The following PIKFYVE variants were observed in gnomAD, a reference collection of about 807,000 sequenced individuals.
PIKFYVE encodes phosphoinositide kinase, FYVE-type zinc finger containing.
A neutral mutation model predicts 257.9 loss-of-function variants in PIKFYVE; 122 were observed. That is an observed-to-expected ratio of 0.47 (90% CI 0.41 to 0.55). The LOEUF is 0.55. Among genes scored for constraint, PIKFYVE ranks in the 20% least tolerant of loss-of-function variants. The pLI is 0.00. For synonymous variants in PIKFYVE, 892 were observed against 868.9 expected (o/e 1.03, Z -0.47); for missense variants, 2,160 against 2,536.6 (o/e 0.85, Z 3.19).
chr2:208,342,529 T>C, intron 31 of PIKFYVE, 25 bp from the exon 32 acceptor site: 1 of 1,553,352 alleles, frequency 6.4e-7, no homozygotes, highest in Non-Finnish European at 8.9e-7. Context: ...CTTAGTTAAC[T>C]TATGTATTTT....
chr2:208,273,154 A>G (rs577597260), intron 2 of PIKFYVE, among the ~76,000 whole-genome samples: 2 of 152,230 alleles, frequency 1.3e-5, no homozygotes, highest in Non-Finnish European at 2.9e-5. Context: ...AACAGACCCA[A>G]AAAATCCCTG....
intron 6 of PIKFYVE, among the ~76,000 whole-genome samples, chr2:208,287,045 G>C (rs1691664103): frequency 6.6e-6 from 1 of 151,822 alleles, no homozygotes; most frequent in Admixed American, 6.6e-5. Flanking sequence ...ATAAAGTGGA[G>C]TAGAAAAGAA....
chr2:208,301,121 A>T (rs773854456), intron 9 of PIKFYVE, 27 bp downstream of exon 9: 7 of 1,611,380 alleles, frequency 4.3e-6, no homozygotes, highest in Non-Finnish European at 5.1e-6. Context: ...AGGTTTCAAT[A>T]TTATTTGTTT....
intron 12 of PIKFYVE, among the ~76,000 whole-genome samples, chr2:208,311,031 C>A (rs919102668): frequency 6.6e-6 from 1 of 151,986 alleles, no homozygotes; most frequent in Non-Finnish European, 1.5e-5. Flanking sequence ...TTTGAATGAT[C>A]GGGGGGAAGA....
chr2:208,293,904 T>C (rs527876186), intron 7 of PIKFYVE, among the ~76,000 whole-genome samples: 20 of 152,276 alleles, frequency 1.3e-4, no homozygotes, highest in African/African-American at 4.8e-4. Flanking sequence ...GTAGTTTTTT[T>C]GACATTTATC....
chr2:208,285,118 G>A (rs530025732), intron 5 of PIKFYVE, among the ~76,000 whole-genome samples: 26 of 151,964 alleles, frequency 1.7e-4, no homozygotes, highest in East Asian at 9.7e-4. Context: ...ATTTTGAGAC[G>A]GAGTTTCGTT....
rs780766641 is a variant in PIKFYVE at position 208,325,057 on chromosome 2, G to T, written c.2458+20G>T. 9.3e-6 allele frequency: 15 copies of T among 1,613,842 alleles called. No individual in the cohort carries two copies. The highest frequency in any genetic ancestry group is 1.2e-5 in the Non-Finnish European group (14 of 1,179,886). ...CTAATGGTGAGTGATCTTTAGCATA[G>T]ATTGACCTGAGGAAAAGAGTTAACT... On this transcript the variant is annotated intron_variant, in intron 19 of 41. Transcript: ENST00000264380.
chr2:208,276,628 GGCA>G lies in PIKFYVE; in HGVS notation c.323-82_323-80del, dbSNP rs1358046769. ...ACATAATTATATGCCAACAATAAGA[GGCA>G]GTTTCCATCACATATATACCTTGTT... On this transcript the variant is annotated intron_variant, in intron 3 of 41. Coordinates refer to ENST00000264380, the MANE Select transcript of PIKFYVE (RefSeq NM_015040.4). The G allele has an allele frequency of 5.3e-6, 5 of 943,328 alleles. No individual in the cohort carries two copies. In the African/African-American group the frequency reaches 8.1e-5, roughly 15 times the overall value. 58.4% of individuals were successfully genotyped at this position (943,328 alleles called of 1,614,324 possible).
rs1350624786 is a variant in PIKFYVE at position 208,304,371 on chromosome 2, A to G, written c.1468+53A>G. The G allele has an allele frequency of 2.1e-5, 33 of 1,569,414 alleles. No individual in the cohort carries two copies. In the Admixed American group the frequency reaches 3.5e-4, roughly 17 times the overall value. On this transcript the variant is annotated intron_variant, in intron 11 of 41. Transcript: ENST00000264380. ...TTTGATGGGTCATTGCTGTGTATGTATGATAAAATGATTATCTTGTTTGTT... is the reference window on the plus strand; with the variant it reads ...TTTGATGGGTCATTGCTGTGTATGTGTGATAAAATGATTATCTTGTTTGTT...
At chr2:208,313,090 T>C (rs911250033) in intron 13 of PIKFYVE, among the ~76,000 whole-genome samples, 1 of 152,230 alleles carries the variant, frequency 6.6e-6, no homozygotes, top group Non-Finnish European at 1.5e-5. Context: ...TATACTTTAC[T>C]GTGTAATCTG....
intron 16 of PIKFYVE, among the ~76,000 whole-genome samples, chr2:208,318,771 G>A (rs1054367533): frequency 6.6e-6 from 1 of 152,012 alleles, no homozygotes; most frequent in African/African-American, 2.4e-5. Flanking sequence ...TGGCCATATG[G>A]TGAAACCACA....
chr2:208,300,831 T>A, intron 8 of PIKFYVE, 106 bp from the exon 9 acceptor site: 2 of 1,408,784 alleles, frequency 1.4e-6, no homozygotes, highest in South Asian at 2.3e-5. Flanking sequence ...CATAAAGAAA[T>A]CCAAGTTAGG....
intron 5 of PIKFYVE, among the ~76,000 whole-genome samples, chr2:208,285,160 G>A (rs1427907918): frequency 3.9e-5 from 6 of 152,294 alleles, no homozygotes; most frequent in South Asian, 2.1e-4. Flanking sequence ...CAATGGCACA[G>A]TCTTGGCTCA....
chr2:208,317,299 C>T (rs976514281), intron 15 of PIKFYVE, among the ~76,000 whole-genome samples: 9 of 151,802 alleles, frequency 5.9e-5, no homozygotes, highest in Non-Finnish European at 1.2e-4. Context: ...AAAAAACAAC[C>T]CCATCAAAAA....
In PIKFYVE at chr2:208,325,362, C is replaced by G; in HGVS notation, c.2551C>G (p.Arg851Gly). ...AGGAGGCTCTGATTATGAGCTGGCT[C>G]GAGTTAAGGAGATCCTAATATTTAT... is the stretch of plus-strand genomic sequence containing the variant. Reference protein sequence around the residue: ...LRGGSDYELARVKEILIFMIC... With the variant: ...LRGGSDYELAGVKEILIFMIC... Residue 851 changes from arginine to glycine, a missense_variant, in exon 20 of 42, where the codon CGA (arginine) becomes GGA (glycine). Physicochemically the swap from Arg to Gly is moderately radical, Grantham distance 125 (BLOSUM62 -2). Around this residue, in one of 12 missense-constraint regions of PIKFYVE, gnomAD observed 522 missense variants for 514.6 expected, o/e 1.01. Coordinates refer to ENST00000264380, the MANE Select transcript of PIKFYVE (RefSeq NM_015040.4). 1 of 1,613,982 alleles carries G rather than the reference C, an allele frequency of 6.2e-7. No homozygotes were observed.
intron 7 of PIKFYVE, among the ~76,000 whole-genome samples, chr2:208,289,971 T>C (rs780149679): frequency 2.0e-5 from 3 of 152,190 alleles, no homozygotes; most frequent in Non-Finnish European, 4.4e-5. Context: ...AGTTTATTTT[T>C]TATAGCAGTT....
intron 41 of PIKFYVE, 70 bp downstream of exon 41, chr2:208,354,715 CT>C: frequency 8.2e-7 from 1 of 1,223,916 alleles, no homozygotes; most frequent in Non-Finnish European, 1.2e-6. Context: ...AAAGTGGATA[CT>C]GATTCTTTTT....
chr2:208,351,075 G>A, intron 37 of PIKFYVE, 128 bp downstream of exon 37: 1 of 1,262,198 alleles, frequency 7.9e-7, no homozygotes, highest in South Asian at 1.4e-5. Context: ...TAACAGAGGT[G>A]TTTATAAAGT....
At chr2:208,337,696 G>A (rs1042631902) in intron 28 of PIKFYVE, among the ~76,000 whole-genome samples, 1 of 151,978 alleles carries the variant, frequency 6.6e-6, no homozygotes, top group African/African-American at 2.4e-5. Flanking sequence ...ACTCCTGATA[G>A]TCCAAGACCT....
Sources: gnomAD v4.1 joint callset for allele counts (sites outside exome capture counted in the v4.1 genomes callset) on GRCh38, gnomAD v4.1.1 for gene constraint, gnomAD v4.1.1 regional missense constraint, MANE v1.5 for transcripts, NCBI Gene and HGNC (gene_info 2026-07-23, HGNC 2026-07-21) for gene names.